The following ALDOB variants were observed in gnomAD, a reference collection of about 807,000 sequenced individuals.
ALDOB encodes aldolase, fructose-bisphosphate B, also known as fructose-bisphosphate aldolase B.
In ALDOB, 39 loss-of-function variants were observed where a neutral mutation model predicts 41.0. That is an observed-to-expected ratio of 0.95 (90% CI 0.74 to 1.24). The LOEUF (loss-of-function observed/expected upper bound fraction) is 1.24. Ranked by LOEUF, ALDOB falls within the 50% of genes most tolerant of loss-of-function variation. The pLI is 0.00. For synonymous variants in ALDOB, 175 were observed against 168.8 expected, an observed-to-expected ratio of 1.04 and a Z score of -0.28; for missense variants, 530 against 457.3, an observed-to-expected ratio of 1.16 and a Z score of -1.45.
chr9:101,427,538 G>A lies in ALDOB; in HGVS notation c.484C>T (p.Leu162Phe). 1 of 1,614,196 alleles carries A rather than the reference G, an allele frequency of 6.2e-7. No individual in the cohort carries two copies. The highest frequency in any genetic ancestry group is 8.5e-7 in the Non-Finnish European group (1 of 1,180,038). The change falls in exon 5 of 9, where the codon CTC becomes TTC. Residue 162 changes from leucine to phenylalanine, a missense_variant. Physicochemically the swap from Leu to Phe is conservative, Grantham distance 22 (BLOSUM62 0). Coordinates refer to ENST00000647789, the MANE Select transcript of ALDOB (RefSeq NM_000035.4). The part of the protein sequence containing the change: ...LRIADQCPSS[L>F]AIQENANALA... ...GCGTTGGCGTTTTCCTGGATAGCGA[G>A]GCTGGATGGACACTGGTCGGCAATC...
rs3739721 is a variant in ALDOB at position 101,426,560 on chromosome 9, C to G, written c.619G>C (p.Glu207Gln). Residue 207 changes from glutamate (E) to glutamine (Q), a missense_variant, in exon 6 of 9, where the codon GAG (glutamate) becomes CAG (glutamine). By Grantham distance (29) the Glu-to-Gln change is conservative. Transcript: ENST00000647789. ...HDLEHCQYVT[E>Q]KVLAAVYKAL... Reference sequence around the variant, plus strand: ...CCTTCATATTTAAAACTTACCTTCTCAGTAACATACTGGCAGTGTTCCAGG... The same window carrying G: ...CCTTCATATTTAAAACTTACCTTCTGAGTAACATACTGGCAGTGTTCCAGG... 1,941 of 1,607,612 alleles carry G rather than the reference C, an allele frequency of 1.2e-3. 55 individuals carry two copies. The East Asian group carries it at 0.041, about 34-fold the overall frequency.
chr9:101,422,607 C>T (rs1055905388), intron 8 of ALDOB, among the ~76,000 whole-genome samples: 12 of 152,116 alleles, frequency 7.9e-5, no homozygotes, highest in African/African-American at 2.9e-4. Flanking sequence ...TTAACAAGCG[C>T]TTCAAGTGGG....
Position 101,421,621 on chromosome 9 carries a change from T to C in ALDOB, c.*188A>G, listed in dbSNP as rs1420099615. 4 of 672,338 alleles carry C rather than the reference T, an allele frequency of 5.9e-6. No homozygotes were observed. In the Admixed American group the frequency reaches 8.4e-5, roughly 14 times the overall value. 41.6% of individuals were successfully genotyped at this position (672,338 alleles called of 1,614,324 possible). On this transcript the variant is annotated 3_prime_UTR_variant, in exon 9 of 9. Transcript: ENST00000647789. ...AACTGCTGTGTGAAATTTGATCAGG[T>C]CCTTGGTATTCATTTTTATGTTTCA... is the stretch of plus-strand genomic sequence containing the variant.
At chr9:101,422,852 T>TA (rs1290889450) in intron 8 of ALDOB, among the ~76,000 whole-genome samples, 5 of 152,164 alleles carry the variant, frequency 3.3e-5, no homozygotes, top group African/African-American at 4.8e-5. Flanking sequence ...TATGCATATA[T>TA]AAAAAATCAC....
chr9:101,425,607 C>G lies in ALDOB; in HGVS notation c.645G>C (p.Lys215Asn). The G allele has an allele frequency of 1.2e-6, 2 of 1,614,074 alleles. No homozygotes were observed. The highest frequency in any genetic ancestry group is 1.7e-6 in the Non-Finnish European group (2 of 1,180,022). ...VTEKVLAAVYKALNDHHVYLE... is the reference protein window; with the variant it reads ...VTEKVLAAVYNALNDHHVYLE... ...GGTAAACATGATGGTCATTCAGGGC[C>G]TTGTAGACAGCAGCCAGGACCTGAA... Residue 215 changes from lysine to asparagine, a missense_variant, in exon 7 of 9, where the codon AAG becomes AAC. Transcript: ENST00000647789.
chr9:101,424,249 C>T (rs1048862725), intron 8 of ALDOB, among the ~76,000 whole-genome samples: 7 of 152,102 alleles, frequency 4.6e-5, no homozygotes, highest in African/African-American at 2.4e-5. Context: ...GAAACCCCAT[C>T]TTTACTAAAA....
chr9:101,425,460 A>G lies in ALDOB; in HGVS notation c.792T>C (p.Ala264=). 1 of 1,614,218 alleles carries G rather than the reference A, an allele frequency of 6.2e-7. No homozygotes were observed. The highest frequency in any genetic ancestry group is 1.1e-5 in the South Asian group (1 of 91,078). Residue 264 remains alanine (A), a synonymous_variant, in exon 7 of 9, where the codon GCT becomes GCC. Transcript: ENST00000647789. ...VTALHRTVPA[A]VPGICFLSGG... Reference sequence around the variant, plus strand: ...GAAGAAAGAAGGCCTTACCAGGAACAGCTGCAGGAACAGTACGGTGGAGAG... The same window carrying G: ...GAAGAAAGAAGGCCTTACCAGGAACGGCTGCAGGAACAGTACGGTGGAGAG...
At position 101,430,892 on chromosome 9, in the gene ALDOB, A is replaced by G. The variant is rs779217802; in HGVS notation, c.-5T>C. ...GGCTGGAAATCGGTGGGCCATGGTG[A>G]CAGGTCTGGAAAAGAGTGTGCGAGA... is the stretch of plus-strand genomic sequence containing the variant. On this transcript the variant is annotated 5_prime_UTR_variant, in exon 2 of 9. Transcript: ENST00000647789. 1 of 1,608,892 alleles carries G rather than the reference A, an allele frequency of 6.2e-7. No individual in the cohort carries two copies. Among genetic ancestry groups the G allele is most frequent in the South Asian group, 1.1e-5 (1 of 90,970 alleles).
In ALDOB at chr9:101,421,401, T is replaced by G; in HGVS notation, c.*408A>C. On this transcript the variant is annotated 3_prime_UTR_variant, in exon 9 of 9. Transcript: ENST00000647789. ...TGAAGGTTTATAGAATATTTATTTC[T>G]TTTTTGGTTGCAGCTATCTCCTTCC... 1 of 303,000 alleles carries G rather than the reference T, an allele frequency of 3.3e-6. No homozygotes were observed. The highest frequency in any genetic ancestry group is 6.5e-6 in the Non-Finnish European group (1 of 154,376). The allele number at this position is 303,000 out of a possible 1,614,324, so 18.8% of individuals were successfully genotyped here. A position where few individuals can be genotyped will look rare whatever the true frequency, so the allele number is the denominator to read the frequency against.
intron 5 of ALDOB, 84 bp downstream of exon 5, chr9:101,427,398 T>A: frequency 6.6e-7 from 1 of 1,521,608 alleles, no homozygotes. Context: ...GGAGGTCCAT[T>A]TGTAGTTATA....
intron 5 of ALDOB, 143 bp downstream of exon 5, chr9:101,427,339 A>T: frequency 9.5e-7 from 1 of 1,054,132 alleles, no homozygotes; most frequent in Non-Finnish European, 1.4e-6. Flanking sequence ...ACAGTTGGCT[A>T]TAGCAAAAGT....
Position 101,429,904 on chromosome 9 carries a change from A to G in ALDOB, c.175T>C (p.Phe59Leu), listed in dbSNP as rs777050401. 1.2e-6 allele frequency: 2 copies of G among 1,614,048 alleles called. No individual in the cohort carries two copies. The highest frequency in any genetic ancestry group is 2.2e-5 in the South Asian group (2 of 91,070). ...VENTEENRRQFREILFSVDSS... is the reference protein window; with the variant it reads ...VENTEENRRQLREILFSVDSS... ...TCCACAGAGAAGAGGATTTCTCGGA[A>G]CTGCCGGCGGTTCTCTTCAGTGTTT... Residue 59 changes from phenylalanine (F) to leucine (L), a missense_variant, in exon 3 of 9, where the codon TTC becomes CTC. Physicochemically the swap from Phe to Leu is conservative, Grantham distance 22. Transcript: ENST00000647789.
chr9:101,432,650 T>C (rs964676196), intron 1 of ALDOB, among the ~76,000 whole-genome samples: 1 of 152,256 alleles, frequency 6.6e-6, no homozygotes, highest in African/African-American at 2.4e-5. Flanking sequence ...ATATAATTTT[T>C]CTTGAAAATA....
At chr9:101,426,533 G>A in intron 6 of ALDOB, 22 bp downstream of exon 6, 2 of 1,492,858 alleles carry the variant, frequency 1.3e-6, no homozygotes, top group Admixed American at 1.7e-5. Flanking sequence ...CTAGAATTGG[G>A]GCCTTCATAT....
rs564268678 is a variant in ALDOB, at chr9:101,421,111, C to G, written c.*698G>C. On this transcript the variant is annotated 3_prime_UTR_variant, in exon 9 of 9. Transcript: ENST00000647789. ...ACTTGAAATTTAGATTGGTAGTTCTCAAACTTGACTGTACATTGGAATTAC... is the reference window on the plus strand; with the variant it reads ...ACTTGAAATTTAGATTGGTAGTTCTGAAACTTGACTGTACATTGGAATTAC... 1.3e-5 allele frequency: 2 copies of G among 152,496 alleles called. No homozygotes were observed. Among genetic ancestry groups the G allele is most frequent in the African/African-American group, 4.8e-5 (2 of 41,558 alleles). The allele number at this position is 152,496 out of a possible 1,614,324, so 9.4% of individuals were successfully genotyped here.
At chr9:101,430,639 C>T (rs547314808) in intron 2 of ALDOB, 137 bp downstream of exon 2, 43 of 720,806 alleles carry the variant, frequency 6.0e-5, no homozygotes, top group South Asian at 3.7e-4. Flanking sequence ...AAAAGCTCTA[C>T]GCTTACTGAG....
Position 101,428,537 on chromosome 9 carries a change from T to A in ALDOB, c.325-14A>T, listed in dbSNP as rs753216811. 6.2e-7 allele frequency: 1 copy of A among 1,608,960 alleles called. No individual in the cohort carries two copies. The highest frequency in any genetic ancestry group is 1.7e-5 in the Admixed American group (1 of 60,020). On this transcript the variant is annotated splice_polypyrimidine_tract_variant and intron_variant, in intron 3 of 8. Coordinates refer to ENST00000647789, the MANE Select transcript of ALDOB (RefSeq NM_000035.4). ...TCCTTGGTCTAACTGTGGATACAAA[T>A]AATTAACAGGTGTCAGATGTCAGGA...
At chr9:101,429,699 G>T in intron 3 of ALDOB, 56 bp downstream of exon 3, 1 of 1,505,316 alleles carries the variant, frequency 6.6e-7, no homozygotes, top group Non-Finnish European at 9.3e-7. Context: ...CCTTGCCAGT[G>T]TGCTTGGAGT....
chr9:101,425,115 C>T (rs1831105700), intron 7 of ALDOB, 73 bp from the exon 8 acceptor site: 36 of 1,532,734 alleles, frequency 2.3e-5, no homozygotes, highest in Non-Finnish European at 3.1e-5. Flanking sequence ...AAGCAATGAA[C>T]CTACCAGAAA....
Sources: allele counts gnomAD v4.1 joint callset (sites outside exome capture counted in the v4.1 genomes callset), GRCh38; gene constraint gnomAD v4.1.1; transcripts MANE v1.5; gene names NCBI Gene and HGNC (gene_info 2026-07-23, HGNC 2026-07-21).